CNTNAP2: variants seen among roughly 807,000 people sequenced by gnomAD.
The protein encoded by CNTNAP2 is contactin-associated protein-like 2.
A neutral mutation model predicts 155.2 loss-of-function variants in CNTNAP2; 98 were observed. That is an observed-to-expected ratio of 0.63 (90% CI 0.54 to 0.75). The LOEUF (loss-of-function observed/expected upper bound fraction) is 0.75, where lower values mean the gene tolerates loss of function less well. Ranked by LOEUF, CNTNAP2 falls within the 30% of genes least tolerant of loss-of-function variation. CNTNAP2 has a pLI of 0.00. For synonymous variants in CNTNAP2, 651 were observed against 631.2 expected (o/e 1.03, Z -0.47); for missense variants, 1,727 against 1,688.1 (o/e 1.02, Z -0.40).
intron 3 of CNTNAP2, among the ~76,000 whole-genome samples, chr7:146,842,049 AT>A (rs10712275): frequency 0.85 from 128,172 of 151,672 alleles, 54,350 homozygotes; most frequent in South Asian, 0.91. Context: ...TGCCTGGCTA[AT>A]TTTTTTTTGT....
chr7:146,241,008 G>A (rs1386376355), intron 1 of CNTNAP2, among the ~76,000 whole-genome samples: 1 of 152,158 alleles, frequency 6.6e-6, no homozygotes, highest in Non-Finnish European at 1.5e-5. Context: ...AAGAGTAAGG[G>A]AGAATGTGGT....
intron 3 of CNTNAP2, among the ~76,000 whole-genome samples, chr7:146,969,061 G>A (rs1189556414): frequency 2.0e-5 from 3 of 149,972 alleles, no homozygotes; most frequent in Non-Finnish European, 3.0e-5. Context: ...CCTTCATTTC[G>A]TTATGTACCC....
At chr7:147,114,632 C>A (rs2129281217) in intron 5 of CNTNAP2, among the ~76,000 whole-genome samples, 1 of 152,190 alleles carries the variant, frequency 6.6e-6, no homozygotes, top group African/African-American at 2.4e-5. Context: ...ACAATTGCAA[C>A]CCCTGCTTTT....
intron 14 of CNTNAP2, among the ~76,000 whole-genome samples, chr7:147,907,380 C>T (rs547355803): frequency 2.0e-5 from 3 of 152,254 alleles, no homozygotes; most frequent in Admixed American, 1.3e-4. Flanking sequence ...TAATAAATAG[C>T]TCTTAAAATG....
At chr7:146,698,871 A>G (rs1297174111) in intron 1 of CNTNAP2, among the ~76,000 whole-genome samples, 1 of 152,154 alleles carries the variant, frequency 6.6e-6, no homozygotes, top group Non-Finnish European at 1.5e-5. Flanking sequence ...CATATCTTCA[A>G]ACACATTATT....
chr7:147,378,371 G>C (rs1796476456), intron 9 of CNTNAP2, among the ~76,000 whole-genome samples: 1 of 151,810 alleles, frequency 6.6e-6, no homozygotes, highest in Non-Finnish European at 1.5e-5. Context: ...GGTAAATGGG[G>C]TATCCATCAC....
chr7:148,169,585 G>A (rs988863585), intron 17 of CNTNAP2, among the ~76,000 whole-genome samples: 14 of 152,186 alleles, frequency 9.2e-5, no homozygotes, highest in Admixed American at 5.2e-4. Flanking sequence ...GTGCAAGAGC[G>A]AAATAAGTGA....
chr7:148,355,994 T>C (rs1798505766), intron 21 of CNTNAP2, among the ~76,000 whole-genome samples: 1 of 152,214 alleles, frequency 6.6e-6, no homozygotes. Flanking sequence ...GGCTTCCTCA[T>C]CTGTAATAAA....
At chr7:148,053,896 C>T (rs1321541908) in intron 15 of CNTNAP2, among the ~76,000 whole-genome samples, 1 of 151,478 alleles carries the variant, frequency 6.6e-6, no homozygotes, top group Non-Finnish European at 1.5e-5. Context: ...TGTATCGTTG[C>T]AGCAGGCTGA....
intron 6 of CNTNAP2, chr7:147,122,807 C>T (rs1049343536): frequency 2.4e-4 from 37 of 152,120 alleles, no homozygotes; most frequent in East Asian, 7.7e-4. Context: ...TCTGCACCAC[C>T]TTCATGTTCC....
chr7:146,958,405 T>C (rs367811291), intron 3 of CNTNAP2, among the ~76,000 whole-genome samples: 2 of 137,786 alleles, frequency 1.5e-5, no homozygotes, highest in African/African-American at 5.5e-5. Context: ...CACATTTTTA[T>C]GGTTTTTTTT....
chr7:147,762,482 G>C (rs1352519413), intron 13 of CNTNAP2, among the ~76,000 whole-genome samples: 1 of 151,842 alleles, frequency 6.6e-6, no homozygotes, highest in Non-Finnish European at 1.5e-5. Context: ...GCAATTAGAT[G>C]CACTCATATC....
At chr7:147,883,980 GATAA>G (rs1480313161) in intron 13 of CNTNAP2, among the ~76,000 whole-genome samples, 1 of 152,148 alleles carries the variant, frequency 6.6e-6, no homozygotes, top group East Asian at 1.9e-4. Flanking sequence ...AATGCAAATA[GATAA>G]ATAAAGTAGG....
chr7:148,044,412 G>A (rs1159328413), intron 15 of CNTNAP2, among the ~76,000 whole-genome samples: 1 of 152,198 alleles, frequency 6.6e-6, no homozygotes, highest in Non-Finnish European at 1.5e-5. Context: ...AGATGGCCTT[G>A]TGGCGTGCTA....
intron 19 of CNTNAP2, among the ~76,000 whole-genome samples, chr7:148,219,695 C>T (rs921914718): frequency 3.9e-5 from 6 of 152,004 alleles, no homozygotes; most frequent in African/African-American, 1.4e-4. Context: ...ATTAACTGGG[C>T]ATGGTGAGGC....
At chr7:148,004,035 G>A (rs1318266986) in intron 15 of CNTNAP2, among the ~76,000 whole-genome samples, 1 of 152,088 alleles carries the variant, frequency 6.6e-6, no homozygotes, top group African/African-American at 2.4e-5. Flanking sequence ...TCAATAAGAG[G>A]TTACATCAAA....
At chr7:147,708,505 G>A (rs1358741757) in intron 13 of CNTNAP2, among the ~76,000 whole-genome samples, 1 of 152,134 alleles carries the variant, frequency 6.6e-6, no homozygotes, top group Non-Finnish European at 1.5e-5. Context: ...TAGGGCTTGG[G>A]GGCAGAGGGT....
chr7:146,943,967 G>A (rs982819108), intron 3 of CNTNAP2, among the ~76,000 whole-genome samples: 1 of 152,064 alleles, frequency 6.6e-6, no homozygotes, highest in Non-Finnish European at 1.5e-5. Flanking sequence ...TTGTACTATA[G>A]TTAATTTTAT....
At position 146,557,302 on chromosome 7, in the gene CNTNAP2, A is replaced by G. The variant is rs1158944553; in HGVS notation, c.98-216969A>G. On this transcript the variant is annotated intron_variant, in intron 1 of 23. Coordinates refer to ENST00000361727, the MANE Select transcript of CNTNAP2 (RefSeq NM_014141.6). The stretch of plus-strand genomic sequence containing the variant: ...AGAAGACAGGGGCAGTATGTACTAT[A>G]TTGTTACCCTCCCAGGCTGGAGGTG... Among the ~76,000 whole-genome samples, 7 of 152,104 alleles carry G rather than the reference A, an allele frequency of 4.6e-5. No individual in the cohort carries two copies. The East Asian group carries it at 1.2e-3, about 25-fold the overall frequency.
Sources: gnomAD v4.1 joint callset for allele counts (sites outside exome capture counted in the v4.1 genomes callset) on GRCh38, gnomAD v4.1.1 for gene constraint, MANE v1.5 for transcripts, NCBI Gene and HGNC (gene_info 2026-07-23, HGNC 2026-07-21) for gene names.